Variants in ZBTB20 observed in about 807,000 individuals in gnomAD.
ZBTB20 encodes the protein zinc finger and BTB domain-containing protein 20.
In ZBTB20, 9 loss-of-function variants were observed where a neutral mutation model predicts 56.9. The observed-to-expected ratio is 0.16, with a 90% CI of 0.10 to 0.28. ZBTB20 has a LOEUF of 0.28. ZBTB20 is among the 10% of genes least tolerant of loss of function. The pLI is 1.00. For synonymous variants in ZBTB20, 417 were observed against 420.7 expected (o/e 0.99, Z 0.11); for missense variants, 655 against 1,003.0 (o/e 0.65, Z 4.69).
chr3:114,486,726 C>T lies in ZBTB20; in HGVS notation c.-255+13626G>A, dbSNP rs72952535. On this transcript the variant is annotated intron_variant, in intron 7 of 11. Transcript: ENST00000675478. ...ACACACGGTTCTCTCATTCAAAGTACAAGGTTAATTTTAAATTAGAGGTGA... is the reference window on the plus strand; with the variant it reads ...ACACACGGTTCTCTCATTCAAAGTATAAGGTTAATTTTAAATTAGAGGTGA... Among the ~76,000 whole-genome samples, 1,353 of 152,154 alleles carry T rather than the reference C, an allele frequency of 8.9e-3. 19 individuals carry two copies. The highest frequency in any genetic ancestry group is 0.031 in the African/African-American group (1,282 of 41,512).
At chr3:114,934,185 A>G (rs2076453659) in intron 3 of ZBTB20, among the ~76,000 whole-genome samples, 1 of 152,182 alleles carries the variant, frequency 6.6e-6, no homozygotes, top group Non-Finnish European at 1.5e-5. Flanking sequence ...CTTTGCACCA[A>G]GCATTGTTCC....
rs139460064 is a variant in ZBTB20 at position 114,584,217 on chromosome 3, G to T, written c.-294-83826C>A. On this transcript the variant is annotated intron_variant, in intron 6 of 11. Coordinates refer to ENST00000675478, the MANE Select transcript of ZBTB20 (RefSeq NM_001348800.3). ...TGATAGCTATCCATCTGAATAGGAA[G>T]AAAGACTTTTTTTTGTTTGCCATTA... Among the ~76,000 whole-genome samples, 810 of 152,144 alleles carry T rather than the reference G, an allele frequency of 5.3e-3. 7 individuals are homozygous for T. The highest frequency in any genetic ancestry group is 7.8e-3 in the Non-Finnish European group (527 of 67,964).
intron 3 of ZBTB20, among the ~76,000 whole-genome samples, chr3:114,909,136 A>G (rs1255183618): frequency 6.6e-6 from 1 of 152,046 alleles, no homozygotes; most frequent in African/African-American, 2.4e-5. Flanking sequence ...TGACAGCTCC[A>G]TGCATGTTAT....
Position 114,946,111 on chromosome 3 carries a change from A to G in ZBTB20, c.-456+28255T>C, listed in dbSNP as rs568847010. On this transcript the variant is annotated intron_variant, in intron 3 of 11. Coordinates refer to ENST00000675478, the MANE Select transcript of ZBTB20 (RefSeq NM_001348800.3). ...CTCTCAGTAAATGATAGAACTTGGTAAAAAGTTGGTAGATAAATAAAAGTT... is the reference window on the plus strand; with the variant it reads ...CTCTCAGTAAATGATAGAACTTGGTGAAAAGTTGGTAGATAAATAAAAGTT... 3.4e-5 allele frequency among the ~76,000 whole-genome samples: 5 copies of G among 145,760 alleles called. No homozygotes were observed. In the South Asian group the frequency reaches 1.1e-3, roughly 31 times the overall value.
At position 114,657,548 on chromosome 3, in the gene ZBTB20, C is replaced by T. The variant is rs112300224; in HGVS notation, c.-295+35980G>A. 3.9e-3 allele frequency among the ~76,000 whole-genome samples: 596 copies of T among 152,278 alleles called. 2 individuals carry two copies. Among genetic ancestry groups the T allele is most frequent in the Non-Finnish European group, 7.1e-3 (485 of 68,012 alleles). ...TATATGTAGATTCATGGGAGCCTTCCCTCGATGGCTCCATCCTTTCTAATA... is the reference window on the plus strand; with the variant it reads ...TATATGTAGATTCATGGGAGCCTTCTCTCGATGGCTCCATCCTTTCTAATA... On this transcript the variant is annotated intron_variant, in intron 6 of 11. Transcript: ENST00000675478.
chr3:115,049,573 T>A (rs1200069804), intron 2 of ZBTB20, among the ~76,000 whole-genome samples: 2 of 152,162 alleles, frequency 1.3e-5, no homozygotes, highest in African/African-American at 4.8e-5. Flanking sequence ...TTTGTGCACC[T>A]CTCAAGTGAA....
chr3:114,976,566 C>T (rs1306039431), intron 2 of ZBTB20, among the ~76,000 whole-genome samples: 1 of 150,412 alleles, frequency 6.6e-6, no homozygotes, highest in Non-Finnish European at 1.5e-5. Context: ...GTGGAGGTTG[C>T]AGTGAGCCAA....
chr3:114,724,297 T>C (rs746713503), intron 5 of ZBTB20, among the ~76,000 whole-genome samples: 13 of 152,212 alleles, frequency 8.5e-5, no homozygotes, highest in African/African-American at 3.1e-4. Flanking sequence ...GGTTTACTGA[T>C]TGAGCTCATC....
intron 6 of ZBTB20, among the ~76,000 whole-genome samples, chr3:114,653,118 C>T (rs1376231326): frequency 1.3e-5 from 2 of 151,816 alleles, no homozygotes; most frequent in Admixed American, 1.3e-4. Flanking sequence ...TATGCTTATA[C>T]CTTTAATTTA....
intron 7 of ZBTB20, among the ~76,000 whole-genome samples, chr3:114,392,082 C>T (rs1320425467): frequency 6.6e-6 from 1 of 152,052 alleles, no homozygotes; most frequent in Non-Finnish European, 1.5e-5. Context: ...ATTTAAAAAA[C>T]AAGGAAGCAA....
intron 7 of ZBTB20, among the ~76,000 whole-genome samples, chr3:114,410,783 G>A (rs1328773999): frequency 2.0e-5 from 3 of 152,136 alleles, no homozygotes; most frequent in Non-Finnish European, 4.4e-5. Context: ...GCTAACTAAT[G>A]ATGAATGGAG....
chr3:114,669,377 G>A (rs752570111), intron 6 of ZBTB20, among the ~76,000 whole-genome samples: 10 of 151,832 alleles, frequency 6.6e-5, no homozygotes, highest in Non-Finnish European at 1.5e-4. Context: ...CACCTTAGAG[G>A]GAACTACTTC....
intron 2 of ZBTB20, among the ~76,000 whole-genome samples, chr3:115,069,541 C>G (rs1198594680): frequency 6.6e-6 from 1 of 152,044 alleles, no homozygotes; most frequent in African/African-American, 2.4e-5. Flanking sequence ...GGTCTCAGCA[C>G]GTACTGACAT....
At chr3:114,362,799 A>T (rs376324972) in intron 10 of ZBTB20, among the ~76,000 whole-genome samples, 1 of 152,232 alleles carries the variant, frequency 6.6e-6, no homozygotes, top group Non-Finnish European at 1.5e-5. Flanking sequence ...AGAGATGACC[A>T]ATCTATGATG....
intron 2 of ZBTB20, among the ~76,000 whole-genome samples, chr3:115,063,249 T>G (rs928098564): frequency 6.6e-6 from 1 of 152,164 alleles, no homozygotes; most frequent in African/African-American, 2.4e-5. Flanking sequence ...CAGGGTGCAA[T>G]AATAATAAAT....
rs2079977639 is a variant in ZBTB20, at chr3:115,016,722, T to C, written c.-506-42306A>G. ...TGTTTTGGTTACTGTAGCCTTGTAG[T>C]GTAGTTTGAAGTCCAGTAGTATGAT... On this transcript the variant is annotated intron_variant, in intron 2 of 11. Coordinates refer to ENST00000675478, the MANE Select transcript of ZBTB20 (RefSeq NM_001348800.3). 2.0e-5 allele frequency among the ~76,000 whole-genome samples: 3 copies of C among 151,888 alleles called. No homozygotes were observed. In the South Asian group the frequency reaches 6.2e-4, roughly 31 times the overall value.
intron 4 of ZBTB20, among the ~76,000 whole-genome samples, chr3:114,802,783 C>T (rs925739249): frequency 3.3e-5 from 5 of 151,918 alleles, no homozygotes; most frequent in African/African-American, 1.2e-4. Context: ...ATCTAATTCA[C>T]CAACTGGCAT....
At chr3:114,990,155 G>A (rs2078737692) in intron 2 of ZBTB20, among the ~76,000 whole-genome samples, 1 of 152,164 alleles carries the variant, frequency 6.6e-6, no homozygotes, top group Admixed American at 6.5e-5. Flanking sequence ...TAGGAGTGGT[G>A]AGAGAGGGCA....
At chr3:114,697,460 C>T (rs2063113154) in intron 5 of ZBTB20, among the ~76,000 whole-genome samples, 1 of 151,866 alleles carries the variant, frequency 6.6e-6, no homozygotes, top group Admixed American at 6.6e-5. Context: ...CTAGAAAGGG[C>T]CATGGATGTT....
Sources: gnomAD v4.1 joint callset for allele counts (sites outside exome capture counted in the v4.1 genomes callset) on GRCh38, gnomAD v4.1.1 for gene constraint, MANE v1.5 for transcripts, NCBI Gene and HGNC (gene_info 2026-07-23, HGNC 2026-07-21) for gene names.